Variants in NCOR1 observed in about 807,000 individuals in gnomAD.
NCOR1 encodes nuclear receptor corepressor 1, also known as protein phosphatase 1, regulatory subunit 109.
In NCOR1, 63 loss-of-function variants were observed where a neutral mutation model predicts 288.1. The observed-to-expected ratio is 0.22, with a 90% CI of 0.18 to 0.27. NCOR1 has a LOEUF of 0.27. Among genes scored for constraint, NCOR1 ranks in the 10% least tolerant of loss-of-function variants. The pLI, the probability that NCOR1 is intolerant of heterozygous loss-of-function variation, is 1.00. For synonymous variants in NCOR1, 1,007 were observed against 1,065.9 expected, an observed-to-expected ratio of 0.94 and a Z score of 1.08; for missense variants, 2,397 against 3,019.2, an observed-to-expected ratio of 0.79 and a Z score of 4.83.
chr17:16,202,702 T>G (rs1441675402), intron 1 of NCOR1, among the ~76,000 whole-genome samples: 1 of 152,170 alleles, frequency 6.6e-6, no homozygotes, highest in Non-Finnish European at 1.5e-5. Flanking sequence ...CATAACTTCC[T>G]CAAGCTATGT....
intron 1 of NCOR1, among the ~76,000 whole-genome samples, chr17:16,213,454 T>C (rs1242876876): frequency 3.2e-5 from 4 of 125,188 alleles, no homozygotes; most frequent in Non-Finnish European, 4.7e-5. Flanking sequence ...ATTGCGCCAC[T>C]GCACTCCAGC....
intron 21 of NCOR1, among the ~76,000 whole-genome samples, chr17:16,096,692 T>A (rs960662909): frequency 7.2e-5 from 11 of 152,222 alleles, no homozygotes; most frequent in African/African-American, 2.7e-4. Context: ...GTACTAAGGA[T>A]ATAACCTTTG....
At chr17:16,206,337 C>CA (rs200765899) in intron 1 of NCOR1, among the ~76,000 whole-genome samples, 11,941 of 117,648 alleles carry the variant, frequency 0.1, 781 homozygotes, top group African/African-American at 0.22. Context: ...TTTTTCTGGC[C>CA]AAAAAAAAAA....
intron 8 of NCOR1, chr17:16,151,720 G>C (rs2078895129): frequency 8.9e-7 from 1 of 1,119,298 alleles, no homozygotes; most frequent in African/African-American, 1.6e-5. Context: ...AAACCAGCTA[G>C]TTTTATGCAA....
At chr17:16,205,568 C>T (rs2091390789) in intron 1 of NCOR1, among the ~76,000 whole-genome samples, 1 of 150,826 alleles carries the variant, frequency 6.6e-6, no homozygotes, top group Non-Finnish European at 1.5e-5. Flanking sequence ...TTGCAGTGAG[C>T]TGAGATTGTG....
chr17:16,039,980 G>A (rs1386839036), intron 43 of NCOR1: 1 of 385,868 alleles, frequency 2.6e-6, no homozygotes, highest in African/African-American at 2.1e-5. Context: ...TTAGGAGATG[G>A]GGTTTCACCA....
chr17:16,111,642 A>G (rs1383578194), intron 18 of NCOR1, among the ~76,000 whole-genome samples: 1 of 148,018 alleles, frequency 6.8e-6, no homozygotes, highest in Non-Finnish European at 1.5e-5. Flanking sequence ...AAAAAAAAAA[A>G]GAAGACATTC....
rs763866633 is a variant in NCOR1, at chr17:16,075,588, A to G, written c.3616T>C (p.Ser1206Pro). Residue 1206 changes from serine to proline, a missense_variant, in exon 27 of 46, where the codon TCC becomes CCC. Ser to Pro is a moderately conservative substitution (Grantham distance 74). Transcript: ENST00000268712. ...CCTTCATAAATAACATGGCCTTTGGATGCAGCTTCCTCTCTGCCTTTCTCA... is the reference window on the plus strand; with the variant it reads ...CCTTCATAAATAACATGGCCTTTGGGTGCAGCTTCCTCTCTGCCTTTCTCA... ...SPEKGREEAASKGHVIYEGKS... is the reference protein window; with the variant it reads ...SPEKGREEAAPKGHVIYEGKS... The G allele has an allele frequency of 8.1e-6, 13 of 1,614,228 alleles. No homozygotes were observed. The highest frequency in any genetic ancestry group is 1.6e-4 in the Middle Eastern group (1 of 6,062).
chr17:16,201,418 A>AT (rs1322862091), intron 1 of NCOR1, among the ~76,000 whole-genome samples: 3 of 151,744 alleles, frequency 2.0e-5, no homozygotes, highest in Non-Finnish European at 4.4e-5. Context: ...GGCCAAAAAA[A>AT]CAAAACCCCG....
chr17:16,105,013 A>G (rs964335722), intron 19 of NCOR1, among the ~76,000 whole-genome samples: 8 of 152,212 alleles, frequency 5.3e-5, no homozygotes, highest in Non-Finnish European at 1.2e-4. Flanking sequence ...CAAAGAGGAC[A>G]GTGTGGTTGG....
At chr17:16,208,580 G>C (rs1377463596) in intron 1 of NCOR1, among the ~76,000 whole-genome samples, 1 of 151,562 alleles carries the variant, frequency 6.6e-6, no homozygotes, top group African/African-American at 2.4e-5. Flanking sequence ...ACTGGGCTCA[G>C]TGGCCCGCAC....
At chr17:16,158,956 A>T (rs1372045480) in intron 5 of NCOR1, 83 bp from the exon 6 acceptor site, 10 of 871,290 alleles carry the variant, frequency 1.1e-5, no homozygotes, top group Middle Eastern at 3.2e-4. Context: ...AACACAGGCT[A>T]CTAAGCTTTG....
At chr17:16,126,311 T>A (rs551082132) in intron 14 of NCOR1, 105 bp from the exon 15 acceptor site, 68 of 1,155,780 alleles carry the variant, frequency 5.9e-5, no homozygotes, top group Admixed American at 8.2e-5. Flanking sequence ...TGATTGTTAG[T>A]CATTTACAAT....
chr17:16,048,966 T>C lies in NCOR1; in HGVS notation c.6415A>G (p.Arg2139Gly). 6.2e-7 allele frequency: 1 copy of C among 1,610,534 alleles called. No homozygotes were observed. The highest frequency in any genetic ancestry group is 8.5e-7 in the Non-Finnish European group (1 of 1,177,716). Residue 2139 changes from arginine (R) to glycine (G), a missense_variant, in exon 41 of 46, where the codon AGG becomes GGG. Physicochemically the swap from Arg to Gly is moderately radical, Grantham distance 125. Around this residue, in one of 11 missense-constraint regions of NCOR1, gnomAD observed 1,872 missense variants for 2,187.8 expected, o/e 0.86. Coordinates refer to ENST00000268712, the MANE Select transcript of NCOR1 (RefSeq NM_006311.4). ...TAGGGCTCCGAAGAGACGTGACTCC[T>C]CTCTGGGGATTTTCCAGGCCTACTA... ...RGSRPGKSPE[R>G]SHVSSEPYEP...
At chr17:16,034,217 A>G (rs1483160613) in intron 45 of NCOR1, among the ~76,000 whole-genome samples, 1 of 152,172 alleles carries the variant, frequency 6.6e-6, no homozygotes, top group African/African-American at 2.4e-5. Context: ...AGAATGGTTG[A>G]GATTATTTTT....
At chr17:16,098,528 A>G in intron 20 of NCOR1, 32 bp from the exon 21 acceptor site, 1 of 1,583,532 alleles carries the variant, frequency 6.3e-7, no homozygotes, top group Non-Finnish European at 8.6e-7. Flanking sequence ...AAGATAAATG[A>G]ATACATTTTT....
rs1253625057 is a variant in NCOR1, at chr17:16,193,393, G to A, written c.108+1069C>T. 2.6e-5 allele frequency among the ~76,000 whole-genome samples: 4 copies of A among 152,026 alleles called. No homozygotes were observed. In the East Asian group the frequency reaches 7.7e-4, roughly 29 times the overall value. Reference sequence around the variant, plus strand: ...TTACAGATGCCTGCCACGATGCCTGGCTACTTTTTTCGTATTTTTAGTAGA... The same window carrying A: ...TTACAGATGCCTGCCACGATGCCTGACTACTTTTTTCGTATTTTTAGTAGA... On this transcript the variant is annotated intron_variant, in intron 2 of 45. Transcript: ENST00000268712.
chr17:16,116,288 A>T (rs1030172465), intron 18 of NCOR1, among the ~76,000 whole-genome samples: 1 of 152,236 alleles, frequency 6.6e-6, no homozygotes, highest in African/African-American at 2.4e-5. Context: ...ATATCACATT[A>T]TAACATCATG....
At chr17:16,167,142 T>C (rs1232199282) in intron 4 of NCOR1, among the ~76,000 whole-genome samples, 1 of 152,220 alleles carries the variant, frequency 6.6e-6, no homozygotes, top group African/African-American at 2.4e-5. Flanking sequence ...TCAAAAGTGC[T>C]CCTCAGGTGA....
Sources: allele counts gnomAD v4.1 joint callset (sites outside exome capture counted in the v4.1 genomes callset), GRCh38; gene constraint gnomAD v4.1.1; regional missense constraint gnomAD v4.1.1; transcripts MANE v1.5; gene names NCBI Gene and HGNC (gene_info 2026-07-23, HGNC 2026-07-21).